The following SYT16 variants were observed in gnomAD, a reference collection of about 807,000 sequenced individuals.
The protein encoded by SYT16 is synaptotagmin 16, also known as synaptotagmin-16.
In SYT16, 42 loss-of-function variants were observed where a neutral mutation model predicts 61.4. The ratio of observed to expected loss-of-function variants is 0.68; its 90% CI spans 0.53 to 0.89. The LOEUF (loss-of-function observed/expected upper bound fraction) is 0.89. SYT16 is among the 40% of genes least tolerant of loss of function. The probability of loss-of-function intolerance (pLI) is 0.00; values close to 1 mark genes in which losing one functional copy is unlikely to be tolerated. For synonymous variants in SYT16, 314 were observed against 302.3 expected, an observed-to-expected ratio of 1.04 and a Z score of -0.40; for missense variants, 804 against 807.3, an observed-to-expected ratio of 1.00 and a Z score of 0.05.
intron 3 of SYT16, among the ~76,000 whole-genome samples, chr14:62,043,101 T>C (rs925107062): frequency 8.1e-5 from 6 of 74,382 alleles, no homozygotes; most frequent in South Asian, 9.0e-4. Flanking sequence ...TGGTTTCTCT[T>C]TTTTTTTTTT....
intron 3 of SYT16, among the ~76,000 whole-genome samples, chr14:62,059,768 G>A (rs1345664323): frequency 9.1e-6 from 1 of 109,832 alleles, no homozygotes; most frequent in East Asian, 2.4e-4. Flanking sequence ...ATGTGTATAT[G>A]TATACACATA....
intron 2 of SYT16, among the ~76,000 whole-genome samples, chr14:61,975,535 G>A (rs1387975023): frequency 6.6e-6 from 1 of 152,154 alleles, no homozygotes; most frequent in Non-Finnish European, 1.5e-5. Context: ...TTCTTCACAA[G>A]GCAGCTGGAA....
chr14:61,821,818 A>G (rs2045627972), intron 1 of SYT16, among the ~76,000 whole-genome samples: 4 of 152,182 alleles, frequency 2.6e-5, no homozygotes. Flanking sequence ...ACCATCTTAG[A>G]GTCTGTCTGC....
chr14:62,028,327 G>A lies in SYT16; in HGVS notation c.523+31785G>A, dbSNP rs535470223. On this transcript the variant is annotated intron_variant, in intron 3 of 7. Coordinates refer to ENST00000683842, the MANE Select transcript of SYT16 (RefSeq NM_001367656.1). ...CTTCCTGAAAGCCTGCTTACTGTAC[G>A]AGTTCTAAATGCTTTATGTACACTA... 4.6e-5 allele frequency among the ~76,000 whole-genome samples: 7 copies of A among 152,280 alleles called. No individual in the cohort carries two copies. In the East Asian group the frequency reaches 5.8e-4, roughly 13 times the overall value.
At chr14:61,995,744 G>GT (rs1245254030) in intron 2 of SYT16, 132 bp from the exon 3 acceptor site, 4 of 337,718 alleles carry the variant, frequency 1.2e-5, no homozygotes, top group Admixed American at 9.0e-5. Flanking sequence ...TCATTTTTAT[G>GT]TAACTATTTT....
chr14:62,051,034 G>C (rs549197221), intron 3 of SYT16, among the ~76,000 whole-genome samples: 1 of 152,358 alleles, frequency 6.6e-6, no homozygotes, highest in African/African-American at 2.4e-5. Flanking sequence ...AGAGGTTACT[G>C]CTGCCTTTTG....
At chr14:61,980,793 TA>T (rs1241848023) in intron 2 of SYT16, among the ~76,000 whole-genome samples, 1 of 152,116 alleles carries the variant, frequency 6.6e-6, no homozygotes, top group Non-Finnish European at 1.5e-5. Flanking sequence ...GGTAAGGGCT[TA>T]AAAAAAGACT....
intron 4 of SYT16, among the ~76,000 whole-genome samples, chr14:62,072,908 G>T (rs967307725): frequency 4.6e-5 from 7 of 152,188 alleles, no homozygotes; most frequent in Non-Finnish European, 8.8e-5. Context: ...TTTGGTTGAT[G>T]TGACATAGTT....
chr14:61,937,950 G>C (rs562531872), intron 1 of SYT16, among the ~76,000 whole-genome samples: 2 of 151,550 alleles, frequency 1.3e-5, no homozygotes, highest in African/African-American at 2.4e-5. Context: ...CCTTTGAGGA[G>C]TTTACAGTCC....
At chr14:61,920,246 G>A (rs562845823) in intron 1 of SYT16, among the ~76,000 whole-genome samples, 112 of 152,058 alleles carry the variant, frequency 7.4e-4, no homozygotes, top group Non-Finnish European at 1.0e-3. Context: ...CCACTGTTAA[G>A]AACTTGGTTT....
chr14:62,088,644 T>C (rs2056967303), intron 7 of SYT16, among the ~76,000 whole-genome samples: 1 of 152,188 alleles, frequency 6.6e-6, no homozygotes, highest in Non-Finnish European at 1.5e-5. Context: ...CTGTAAAATA[T>C]TAAACTCTAG....
intron 1 of SYT16, among the ~76,000 whole-genome samples, chr14:61,852,915 A>C (rs1214795258): frequency 6.6e-6 from 1 of 152,158 alleles, no homozygotes; most frequent in Non-Finnish European, 1.5e-5. Flanking sequence ...GATTTAAAGC[A>C]TGGAGTTTGA....
chr14:62,019,192 A>G (rs1383381849), intron 3 of SYT16, among the ~76,000 whole-genome samples: 1 of 152,276 alleles, frequency 6.6e-6, no homozygotes, highest in Non-Finnish European at 1.5e-5. Context: ...ATAACACTGT[A>G]GTAATACAAA....
intron 7 of SYT16, among the ~76,000 whole-genome samples, chr14:62,096,223 A>T (rs2057269867): frequency 6.6e-6 from 1 of 152,066 alleles, no homozygotes; most frequent in Non-Finnish European, 1.5e-5. Flanking sequence ...ACTCCACAAA[A>T]ATTTAAAACA....
chr14:61,959,369 A>AT (rs543092652), intron 1 of SYT16, among the ~76,000 whole-genome samples: 32 of 149,366 alleles, frequency 2.1e-4, no homozygotes, highest in African/African-American at 7.6e-4. Context: ...TTGTGTTTTG[A>AT]TTTTTTTTAT....
intron 3 of SYT16, among the ~76,000 whole-genome samples, chr14:62,015,838 T>C (rs533406139): frequency 3.3e-4 from 50 of 152,338 alleles, no homozygotes; most frequent in Admixed American, 9.2e-4. Context: ...CATGAGCCAC[T>C]CAGTTTATGG....
At chr14:62,061,836 GA>G (rs376865821) in intron 3 of SYT16, among the ~76,000 whole-genome samples, 5 of 151,518 alleles carry the variant, frequency 3.3e-5, no homozygotes, top group African/African-American at 4.8e-5. Context: ...CTAGAGCAAT[GA>G]AAAAAAACAG....
intron 3 of SYT16, among the ~76,000 whole-genome samples, chr14:62,051,952 A>G (rs1403596621): frequency 6.6e-6 from 1 of 152,134 alleles, no homozygotes; most frequent in Non-Finnish European, 1.5e-5. Context: ...GGATCCCTTG[A>G]GCCTGGGTGG....
intron 3 of SYT16, among the ~76,000 whole-genome samples, chr14:62,003,155 G>T (rs201190329): frequency 6.6e-6 from 1 of 152,112 alleles, no homozygotes; most frequent in East Asian, 1.9e-4. Flanking sequence ...GTGGCCTAAG[G>T]CTTTTGTTTC....
Sources: allele counts gnomAD v4.1 joint callset (sites outside exome capture counted in the v4.1 genomes callset), GRCh38; gene constraint gnomAD v4.1.1; transcripts MANE v1.5; gene names NCBI Gene and HGNC (gene_info 2026-07-23, HGNC 2026-07-21).